The following SPP2 variants were observed in gnomAD, a reference collection of about 807,000 sequenced individuals.
The protein encoded by SPP2 is secreted phosphoprotein 2.
In SPP2, 34 loss-of-function variants were observed where a neutral mutation model predicts 28.8. The ratio of observed to expected loss-of-function variants is 1.18; its 90% CI spans 0.90 to 1.57. SPP2 has a LOEUF of 1.57. Ranked by LOEUF, SPP2 falls within the 40% of genes most tolerant of loss-of-function variation. The pLI is 0.00. For missense variants in SPP2, 269 were observed against 263.9 expected (o/e 1.02, Z -0.13); for synonymous variants, 96 against 89.4 (o/e 1.07, Z -0.42).
intron 7 of SPP2, among the ~76,000 whole-genome samples, chr2:234,071,040 C>A (rs1049084392): frequency 2.6e-5 from 4 of 152,092 alleles, no homozygotes; most frequent in African/African-American, 9.7e-5. Context: ...CATTACCATC[C>A]ACCTAATTTG....
At chr2:234,075,297 C>T (rs970124588) in intron 7 of SPP2, among the ~76,000 whole-genome samples, 43 of 152,100 alleles carry the variant, frequency 2.8e-4, no homozygotes, top group African/African-American at 1.0e-3. Flanking sequence ...GTTCCTGGCC[C>T]CTCGTTTATC....
At chr2:234,076,620 G>A (rs967964575) in intron 7 of SPP2, among the ~76,000 whole-genome samples, 1 of 152,052 alleles carries the variant, frequency 6.6e-6, no homozygotes, top group Non-Finnish European at 1.5e-5. Context: ...CCCCACACCC[G>A]CACACGGTGG....
At chr2:234,056,907 T>C (rs897699525) in intron 2 of SPP2, among the ~76,000 whole-genome samples, 4 of 152,112 alleles carry the variant, frequency 2.6e-5, no homozygotes, top group Admixed American at 6.5e-5. Flanking sequence ...TGCCACTTTT[T>C]TTCCAAAACA....
chr2:234,051,718 T>C (rs577490451), intron 2 of SPP2, among the ~76,000 whole-genome samples: 13 of 152,310 alleles, frequency 8.5e-5, no homozygotes, highest in South Asian at 6.2e-4. Flanking sequence ...TGCATGGGGC[T>C]CATTTGGAGG....
chr2:234,075,625 C>T (rs1043128275), intron 7 of SPP2, among the ~76,000 whole-genome samples: 2 of 152,180 alleles, frequency 1.3e-5, no homozygotes, highest in Non-Finnish European at 2.9e-5. Flanking sequence ...TGATGTTACC[C>T]AGGGTTCCAG....
intron 7 of SPP2, among the ~76,000 whole-genome samples, chr2:234,074,740 C>T (rs1459868996): frequency 6.6e-6 from 1 of 152,158 alleles, no homozygotes; most frequent in East Asian, 1.9e-4. Flanking sequence ...CTGTTCCCAA[C>T]GTTTTCCTCA....
At chr2:234,067,538 G>A (rs1287829958) in intron 6 of SPP2, among the ~76,000 whole-genome samples, 81 of 152,226 alleles carry the variant, frequency 5.3e-4, no homozygotes, top group Non-Finnish European at 2.1e-4. Context: ...AGCACTTTGG[G>A]AGGCCGAGGC....
At chr2:234,060,059 G>A (rs1197268727) in intron 3 of SPP2, among the ~76,000 whole-genome samples, 1 of 152,224 alleles carries the variant, frequency 6.6e-6, no homozygotes, top group Non-Finnish European at 1.5e-5. Flanking sequence ...GTGAAGTCCT[G>A]TGGGGTTCTT....
chr2:234,070,039 T>G lies in SPP2; in HGVS notation c.*10+16T>G. 1 of 1,593,478 alleles carries G rather than the reference T, an allele frequency of 6.3e-7. No individual in the cohort carries two copies. Among genetic ancestry groups the G allele is most frequent in the Non-Finnish European group, 8.6e-7 (1 of 1,161,896 alleles). ...CGGCCTTGAGGTAAGAAAATGCAGGTGCACACAAGTGTATTTAGAAATAGA... is the reference window on the plus strand; with the variant it reads ...CGGCCTTGAGGTAAGAAAATGCAGGGGCACACAAGTGTATTTAGAAATAGA... On this transcript the variant is annotated intron_variant, in intron 7 of 7. Coordinates refer to ENST00000168148, the MANE Select transcript of SPP2 (RefSeq NM_006944.3).
chr2:234,071,292 G>A (rs1179714303), intron 7 of SPP2, among the ~76,000 whole-genome samples: 1 of 152,114 alleles, frequency 6.6e-6, no homozygotes, highest in African/African-American at 2.4e-5. Context: ...TCTGATCCTT[G>A]CCCCATATAA....
At chr2:234,072,259 A>G (rs1225198113) in intron 7 of SPP2, among the ~76,000 whole-genome samples, 2 of 152,234 alleles carry the variant, frequency 1.3e-5, no homozygotes, top group Non-Finnish European at 2.9e-5. Flanking sequence ...GATGAAAGAC[A>G]CAAATGGTAG....
chr2:234,053,649 T>C (rs1013440785), intron 2 of SPP2, among the ~76,000 whole-genome samples: 2 of 152,072 alleles, frequency 1.3e-5, no homozygotes, highest in Non-Finnish European at 2.9e-5. Context: ...ATTCTTTTAA[T>C]TGATTTCAAG....
At position 234,072,062 on chromosome 2, in the gene SPP2, A is replaced by G. The variant is rs114189995; in HGVS notation, c.*10+2039A>G. Among the ~76,000 whole-genome samples the G allele has an allele frequency of 6.1e-3, 927 of 151,944 alleles. 13 individuals carry two copies. Among genetic ancestry groups the G allele is most frequent in the African/African-American group, 0.021 (874 of 41,214 alleles). ...CAGTGCCCTGCACACAGCCCAGCAC[A>G]CTCAATAAATAGCACTCAGTAAATA... On this transcript the variant is annotated intron_variant, in intron 7 of 7. Transcript: ENST00000168148.
At position 234,066,366 on chromosome 2, in the gene SPP2, T is replaced by C. The variant is rs140357450; in HGVS notation, c.445-167T>C. 3.5e-3 allele frequency among the ~76,000 whole-genome samples: 536 copies of C among 152,354 alleles called. 5 individuals are homozygous for C. Among genetic ancestry groups the C allele is most frequent in the African/African-American group, 0.012 (517 of 41,576 alleles). On this transcript the variant is annotated intron_variant, in intron 4 of 7. Coordinates refer to ENST00000168148, the MANE Select transcript of SPP2 (RefSeq NM_006944.3). Reference sequence around the variant, plus strand: ...TTCCCCATGTGCTTTTTTAGACTTATATGTTTGATATATATAAAGTTATTT... The same window carrying C: ...TTCCCCATGTGCTTTTTTAGACTTACATGTTTGATATATATAAAGTTATTT...
intron 2 of SPP2, 89 bp downstream of exon 2, chr2:234,051,184 T>C: frequency 2.0e-6 from 3 of 1,519,620 alleles, no homozygotes; most frequent in Non-Finnish European, 2.7e-6. Flanking sequence ...AGAAATTTTC[T>C]CCAGTTTAAA....
intron 6 of SPP2, 29 bp from the exon 7 acceptor site, chr2:234,069,897 CAG>C (rs748217728): frequency 2.5e-5 from 39 of 1,537,398 alleles, no homozygotes; most frequent in South Asian, 1.1e-5. Context: ...ATGTGACTGA[CAG>C]AGCCTATGCT....
rs768201739 is a variant in SPP2, at chr2:234,051,011, T to A, written c.126T>A (p.Asp42Glu). ...VYDYDPSSLR[D>E]ALSASVVKVN... ...ACTACGATCCATCCTCCTTAAGGGA[T>A]GCCCTCAGTGCCTCTGTGGTAAAAG... Residue 42 changes from aspartate to glutamate, a missense_variant, in exon 2 of 8, where the codon GAT becomes GAA. By Grantham distance (45) the Asp-to-Glu change is conservative. Coordinates refer to ENST00000168148, the MANE Select transcript of SPP2 (RefSeq NM_006944.3). 4 of 1,614,052 alleles carry A rather than the reference T, an allele frequency of 2.5e-6. No homozygotes were observed. The highest frequency in any genetic ancestry group is 1.7e-4 in the Middle Eastern group (1 of 6,058).
chr2:234,069,872 C>T, intron 6 of SPP2, 56 bp from the exon 7 acceptor site: 1 of 1,360,552 alleles, frequency 7.3e-7, no homozygotes, highest in Non-Finnish European at 1.1e-6. Context: ...ATTGTCCACA[C>T]TGTCTCAGAT....
intron 2 of SPP2, among the ~76,000 whole-genome samples, chr2:234,054,491 G>A (rs772108783): frequency 1.3e-5 from 2 of 152,158 alleles, no homozygotes; most frequent in Admixed American, 1.3e-4. Flanking sequence ...CTGAGATCTG[G>A]GATGAGGGTG....
Sources: allele counts gnomAD v4.1 joint callset (sites outside exome capture counted in the v4.1 genomes callset), GRCh38; gene constraint gnomAD v4.1.1; transcripts MANE v1.5; gene names NCBI Gene and HGNC (gene_info 2026-07-23, HGNC 2026-07-21).